CLASP2: variants seen among roughly 807,000 people sequenced by gnomAD.
CLASP2 encodes the protein CLIP-associating protein 2.
CLASP2 carries 47 observed loss-of-function variants against 194.4 expected under a neutral mutation model. The ratio of observed to expected loss-of-function variants is 0.24; its 90% CI spans 0.19 to 0.31. The LOEUF is 0.31. CLASP2 is among the 10% of genes least tolerant of loss of function. The pLI, the probability that CLASP2 is intolerant of heterozygous loss-of-function variation, is 1.00. For synonymous variants in CLASP2, 619 were observed against 633.5 expected (o/e 0.98, Z 0.34); for missense variants, 1,445 against 1,823.6 (o/e 0.79, Z 3.78).
intron 1 of CLASP2, among the ~76,000 whole-genome samples, chr3:33,710,203 A>G (rs996134152): frequency 1.3e-5 from 2 of 152,200 alleles, no homozygotes; most frequent in African/African-American, 4.8e-5. Flanking sequence ...TACCCAGAAC[A>G]CAAGGAGGCA....
intron 6 of CLASP2, among the ~76,000 whole-genome samples, chr3:33,680,141 G>C (rs575343113): frequency 6.6e-6 from 1 of 152,308 alleles, no homozygotes; most frequent in East Asian, 1.9e-4. Flanking sequence ...GCTACATATT[G>C]TATGAATGTA....
chr3:33,628,828 C>A (rs558635200), intron 9 of CLASP2, among the ~76,000 whole-genome samples: 2 of 151,908 alleles, frequency 1.3e-5, no homozygotes, highest in Non-Finnish European at 2.9e-5. Context: ...CCAGAACTAA[C>A]CCTTAAGAAA....
intron 38 of CLASP2, 105 bp downstream of exon 38, chr3:33,501,547 T>G (rs545872974): frequency 1.5e-6 from 1 of 680,118 alleles, no homozygotes; most frequent in African/African-American, 1.8e-5. Context: ...GCTCAAAGCC[T>G]GACTTATTAA....
Position 33,570,804 on chromosome 3 carries a change from A to G in CLASP2, c.2700-14T>C. 1 of 1,567,972 alleles carries G rather than the reference A, an allele frequency of 6.4e-7. No homozygotes were observed. Among genetic ancestry groups the G allele is most frequent in the Non-Finnish European group, 8.7e-7 (1 of 1,155,640 alleles). On this transcript the variant is annotated splice_polypyrimidine_tract_variant and intron_variant, in intron 25 of 38. Coordinates refer to ENST00000682230, the MANE Select transcript of CLASP2 (RefSeq NM_001365631.1). The stretch of plus-strand genomic sequence containing the variant: ...AGTTCAACTCGACTGCCAAGATAAT[A>G]CAGCGGTTAATTAATATCTTGCTGT...
chr3:33,652,518 G>C (rs1015940915), intron 7 of CLASP2, among the ~76,000 whole-genome samples: 1 of 152,108 alleles, frequency 6.6e-6, no homozygotes, highest in African/African-American at 2.4e-5. Flanking sequence ...TCTGTTGGCT[G>C]TTCTTTCTCT....
chr3:33,514,239 G>A (rs2050675099), intron 36 of CLASP2, among the ~76,000 whole-genome samples: 1 of 152,004 alleles, frequency 6.6e-6, no homozygotes, highest in Non-Finnish European at 1.5e-5. Flanking sequence ...CCACCTGCTT[G>A]GCCTCCCAAA....
rs554998933 is a variant in CLASP2 at position 33,529,902 on chromosome 3, C to T, written c.3787+5331G>A. Among the ~76,000 whole-genome samples the T allele has an allele frequency of 1.7e-3, 234 of 134,524 alleles. 1 individual carries two copies. The Middle Eastern group carries it at 0.021, about 12-fold the overall frequency. The allele number at this position is 134,524 out of a possible 152,430, so 88.3% of individuals were successfully genotyped here. A position where few individuals can be genotyped will look rare whatever the true frequency, so the allele number is the denominator to read the frequency against. On this transcript the variant is annotated intron_variant, in intron 34 of 38. Coordinates refer to ENST00000682230, the MANE Select transcript of CLASP2 (RefSeq NM_001365631.1). ...CTGAGGCAGGAGAATGGTGTGAACC[C>T]GGGAGGCGGAGCTTGCAGTGAGCCG...
At chr3:33,499,020 G>C (rs1444064740) in intron 38 of CLASP2, among the ~76,000 whole-genome samples, 1 of 151,914 alleles carries the variant, frequency 6.6e-6, no homozygotes, top group Non-Finnish European at 1.5e-5. Context: ...CTTTTGATAT[G>C]GTCTAGCTCT....
At chr3:33,576,126 G>T (rs9851582) in intron 24 of CLASP2, 43 bp downstream of exon 24, 1 of 1,499,854 alleles carries the variant, frequency 6.7e-7, no homozygotes, top group Non-Finnish European at 9.3e-7. Context: ...CAACAGTTTC[G>T]TAATTGGAAC....
At position 33,592,425 on chromosome 3, in the gene CLASP2, T is replaced by G; in HGVS notation, c.2038A>C (p.Ser680Arg). Reference protein sequence around the residue: ...GNAKADSRGRSRTKMVSQSQP... With the variant: ...GNAKADSRGRRRTKMVSQSQP... ...GATTGAGACACCATTTTTGTTCGAC[T>G]TCTTCCTCTAGAATCTGCCTTGGCA... The change falls in exon 21 of 39, where the codon AGT (serine) becomes CGT (arginine). Residue 680 changes from serine to arginine, a missense_variant. This residue lies in a region of CLASP2 where 174 missense variants were observed against 179.0 expected (regional missense o/e 0.97). Transcript: ENST00000682230. The G allele has an allele frequency of 6.2e-7, 1 of 1,613,686 alleles. No homozygotes were observed. The highest frequency in any genetic ancestry group is 8.5e-7 in the Non-Finnish European group (1 of 1,179,774).
chr3:33,566,709 C>A, intron 27 of CLASP2, 23 bp downstream of exon 27: 2 of 446,640 alleles, frequency 4.5e-6, no homozygotes, highest in East Asian at 7.1e-5. Context: ...GTTAGGTTTC[C>A]AACAAATATT....
intron 31 of CLASP2, 31 bp downstream of exon 31, chr3:33,544,667 T>G (rs1393708145): frequency 1.3e-6 from 2 of 1,593,932 alleles, no homozygotes; most frequent in Admixed American, 3.5e-5. Context: ...CATCACATTA[T>G]ATGATAGCCA....
intron 8 of CLASP2, among the ~76,000 whole-genome samples, chr3:33,640,781 A>T (rs2081143139): frequency 6.6e-6 from 1 of 152,110 alleles, no homozygotes. Context: ...AAACTTGAAG[A>T]AGGCAATTTC....
intron 1 of CLASP2, among the ~76,000 whole-genome samples, chr3:33,710,636 T>G (rs2092954908): frequency 6.6e-6 from 1 of 152,082 alleles, no homozygotes; most frequent in Admixed American, 6.6e-5. Context: ...TCTAACACTT[T>G]AAATTACCGA....
At chr3:33,575,252 G>A (rs969127063) in intron 24 of CLASP2, among the ~76,000 whole-genome samples, 9 of 152,006 alleles carry the variant, frequency 5.9e-5, no homozygotes, top group African/African-American at 1.9e-4. Flanking sequence ...TCAGCACAGC[G>A]AAATGGTTAG....
At chr3:33,519,531 A>T (rs1289257092) in intron 34 of CLASP2, among the ~76,000 whole-genome samples, 1 of 152,204 alleles carries the variant, frequency 6.6e-6, no homozygotes, top group Non-Finnish European at 1.5e-5. Flanking sequence ...GAATAAAAGA[A>T]AAATCAGAAC....
intron 30 of CLASP2, among the ~76,000 whole-genome samples, chr3:33,549,732 T>C (rs968505226): frequency 6.7e-6 from 1 of 148,466 alleles, no homozygotes; most frequent in Non-Finnish European, 1.5e-5. Context: ...ATATTCTGTG[T>C]ACTTTTTTTC....
intron 8 of CLASP2, among the ~76,000 whole-genome samples, chr3:33,642,553 A>T (rs1433675320): frequency 6.6e-6 from 1 of 151,942 alleles, no homozygotes; most frequent in Non-Finnish European, 1.5e-5. Flanking sequence ...AATTCAGAGC[A>T]GATAGTACTA....
intron 13 of CLASP2, among the ~76,000 whole-genome samples, chr3:33,609,635 C>A (rs752527806): frequency 6.6e-5 from 10 of 152,124 alleles, no homozygotes; most frequent in Non-Finnish European, 1.3e-4. Context: ...CCAATATTAG[C>A]CCACTTATCT....
Sources: gnomAD v4.1 joint callset for allele counts (sites outside exome capture counted in the v4.1 genomes callset) on GRCh38, gnomAD v4.1.1 for gene constraint, gnomAD v4.1.1 regional missense constraint, MANE v1.5 for transcripts, NCBI Gene and HGNC (gene_info 2026-07-23, HGNC 2026-07-21) for gene names.